Variants in REV1 observed in about 807,000 individuals in gnomAD.
The protein encoded by REV1 is REV1 DNA directed polymerase.
Under a neutral mutation model 137.4 loss-of-function variants are expected in REV1, and 42 were observed. The ratio of observed to expected loss-of-function variants is 0.31; its 90% CI spans 0.24 to 0.40. The LOEUF is 0.40. Ranked by LOEUF, REV1 falls within the 10% of genes least tolerant of loss-of-function variation. The pLI is 1.00. For missense variants in REV1, 1,282 were observed against 1,490.1 expected (o/e 0.86, Z 2.30); for synonymous variants, 524 against 519.2 (o/e 1.01, Z -0.12).
intron 1 of REV1, among the ~76,000 whole-genome samples, chr2:99,477,775 ATTC>A (rs1004255314): frequency 1.3e-5 from 2 of 152,250 alleles, no homozygotes; most frequent in Admixed American, 6.5e-5. Flanking sequence ...GTTTTCTCTT[ATTC>A]TTCTTGTTAT....
At chr2:99,479,565 CA>C (rs1266538566) in intron 1 of REV1, among the ~76,000 whole-genome samples, 3 of 151,592 alleles carry the variant, frequency 2.0e-5, no homozygotes, top group Non-Finnish European at 4.4e-5. Context: ...TTTTGGAGGC[CA>C]AGGTGGGAAG....
chr2:99,488,363 C>T lies in REV1; in HGVS notation c.-11+1454G>A, dbSNP rs556354090. On this transcript the variant is annotated intron_variant, in intron 1 of 22. Coordinates refer to ENST00000258428, the MANE Select transcript of REV1 (RefSeq NM_016316.4). ...AGAAATTAATTTTAAAAGAGCAATT[C>T]CCATCTTTACAAAAAAAATTAAATA... 6.1e-4 allele frequency among the ~76,000 whole-genome samples: 72 copies of T among 118,724 alleles called. 17 individuals are homozygous for T. Among genetic ancestry groups the T allele is most frequent in the African/African-American group, 2.1e-3 (69 of 33,234 alleles). 77.9% of individuals were successfully genotyped at this position (118,724 alleles called of 152,430 possible).
rs1292719708 is a variant in REV1 at position 99,455,286 on chromosome 2, T to C, written c.182-5782A>G. 2.0e-5 allele frequency among the ~76,000 whole-genome samples: 3 copies of C among 152,196 alleles called. 1 individual carries two copies. Among genetic ancestry groups the C allele is most frequent in the South Asian group, 4.1e-4 (2 of 4,830 alleles). ...TCACAATCTTATGAATTAGAAAAGA[T>C]AACTTATTGATGAGGCAACAGAGAA... On this transcript the variant is annotated intron_variant, in intron 3 of 22. Coordinates refer to ENST00000258428, the MANE Select transcript of REV1 (RefSeq NM_016316.4).
At chr2:99,451,627 T>G in intron 3 of REV1, 1 of 505,474 alleles carries the variant, frequency 2.0e-6, no homozygotes, top group Non-Finnish European at 3.5e-6. Flanking sequence ...TTCTCCTCTT[T>G]CTCCATAAAC....
intron 13 of REV1, among the ~76,000 whole-genome samples, chr2:99,411,493 G>A (rs532151519): frequency 1.6e-4 from 23 of 145,736 alleles, no homozygotes; most frequent in Middle Eastern, 3.5e-3. Context: ...TGCAACCTCC[G>A]CCTCCCAGGT....
chr2:99,488,955 G>C (rs1687383232), intron 1 of REV1, among the ~76,000 whole-genome samples: 2 of 152,230 alleles, frequency 1.3e-5, no homozygotes, highest in Non-Finnish European at 2.9e-5. Flanking sequence ...TACATGGCGT[G>C]AGAAGACGTG....
In REV1 at chr2:99,404,321, C is replaced by T. The variant is rs71413836; in HGVS notation, c.3045+123G>A. 124 of 716,850 alleles carry T rather than the reference C, an allele frequency of 1.7e-4. 3 individuals carry two copies. Among genetic ancestry groups the T allele is most frequent in the Non-Finnish European group, 2.6e-4 (112 of 430,156 alleles). 44.4% of individuals were successfully genotyped at this position (716,850 alleles called of 1,614,324 possible). ...CAAGCCCACTCTCCCCTCCCCTCCC[C>T]TCCCCTCCCCAGTGGATGTGGTGTC... is the stretch of plus-strand genomic sequence containing the variant. On this transcript the variant is annotated intron_variant, in intron 18 of 22. Transcript: ENST00000258428.
chr2:99,466,956 A>T (rs1446890918), intron 1 of REV1, among the ~76,000 whole-genome samples: 1 of 152,220 alleles, frequency 6.6e-6, no homozygotes, highest in East Asian at 1.9e-4. Context: ...ACATTAACAC[A>T]CAGCACTGGA....
chr2:99,426,073 C>T (rs1415452184), intron 9 of REV1, among the ~76,000 whole-genome samples: 1 of 149,784 alleles, frequency 6.7e-6, no homozygotes, highest in Non-Finnish European at 1.5e-5. Flanking sequence ...AGTCCAGGCG[C>T]GGTGGTACAC....
intron 16 of REV1, 67 bp from the exon 17 acceptor site, chr2:99,406,173 A>C: frequency 7.1e-7 from 1 of 1,416,148 alleles, no homozygotes; most frequent in South Asian, 1.5e-5. Flanking sequence ...TCCTCTGTCC[A>C]TTACAAATAA....
chr2:99,434,591 C>T (rs975774648), intron 7 of REV1, 143 bp from the exon 8 acceptor site: 3 of 463,554 alleles, frequency 6.5e-6, no homozygotes, highest in Non-Finnish European at 3.8e-6. Flanking sequence ...GAAGCTAATA[C>T]TTTAAAGATT....
At chr2:99,490,101 T>A (rs1445214386), upstream of REV1, 1 of 31,396 alleles carries the variant, frequency 3.2e-5, no homozygotes, top group Non-Finnish European at 6.0e-5. Flanking sequence ...CCGCTCGCGC[T>A]CACAGCCGCG....
intron 13 of REV1, among the ~76,000 whole-genome samples, chr2:99,412,275 A>C (rs1263117338): frequency 1.3e-5 from 2 of 151,082 alleles, no homozygotes; most frequent in African/African-American, 4.9e-5. Context: ...AAAAAAAAAA[A>C]AAAAAAACAT....
In REV1 at chr2:99,401,329, G is replaced by A. The variant is rs1675364337; in HGVS notation, c.3668C>T (p.Ser1223Leu). The A allele has an allele frequency of 2.5e-6, 4 of 1,612,644 alleles. No homozygotes were observed. Among genetic ancestry groups the A allele is most frequent in the Admixed American group, 1.7e-5 (1 of 59,948 alleles). The change falls in exon 23 of 23, where the codon TCG becomes TTG. Residue 1223 changes from serine (S) to leucine (L), a missense_variant. Physicochemically the swap from Ser to Leu is moderately radical, Grantham distance 145. Around this residue, in one of 7 missense-constraint regions of REV1, gnomAD observed 43 missense variants for 79.1 expected, o/e 0.54. Transcript: ENST00000258428. Reference protein sequence around the residue: ...MKRLMQQSVESVWNMAFDFIL... With the variant: ...MKRLMQQSVELVWNMAFDFIL... ...AAAGTCAAATGCCATATTCCAAACC[G>A]ATTCCACCGATTGCTGCATCAGCCT...
chr2:99,425,399 C>CA (rs1158203215), intron 9 of REV1, among the ~76,000 whole-genome samples: 1 of 152,160 alleles, frequency 6.6e-6, no homozygotes, highest in Non-Finnish European at 1.5e-5. Flanking sequence ...AGGAAAATGA[C>CA]AGAGTTGTAA....
Position 99,424,293 on chromosome 2 carries a change from CA to C in REV1, c.1548-14del, listed in dbSNP as rs1679058841. 9 of 1,610,996 alleles carry C rather than the reference CA, an allele frequency of 5.6e-6. No individual in the cohort carries two copies. Among genetic ancestry groups the C allele is most frequent in the Non-Finnish European group, 7.6e-6 (9 of 1,178,870 alleles). On this transcript the variant is annotated splice_polypyrimidine_tract_variant and intron_variant, in intron 9 of 22. Transcript: ENST00000258428. ...AATGCCAAGTTGCCTAGAGCGAGAA[CA>C]AAACACAATGGAGGTTATTCTAGGA...
Position 99,402,227 on chromosome 2 carries a change from A to C in REV1, c.3644+17T>G. 1 of 1,066,976 alleles carries C rather than the reference A, an allele frequency of 9.4e-7. No individual in the cohort carries two copies. Among genetic ancestry groups the C allele is most frequent in the South Asian group, 1.4e-5 (1 of 69,700 alleles). 66.1% of individuals were successfully genotyped at this position (1,066,976 alleles called of 1,614,324 possible). A position where few individuals can be genotyped will look rare whatever the true frequency, so the allele number is the denominator to read the frequency against. On this transcript the variant is annotated intron_variant, in intron 22 of 22. Transcript: ENST00000258428. ...CATGCCATTTTTTCCCATTTGATAA[A>C]AGTGATGAATTACTACCTTTTCATG...
chr2:99,484,444 T>A (rs1194525832), intron 1 of REV1, among the ~76,000 whole-genome samples: 2 of 152,216 alleles, frequency 1.3e-5, no homozygotes, highest in Admixed American at 1.3e-4. Context: ...TTACTAAATA[T>A]TTACTTGCTA....
intron 4 of REV1, among the ~76,000 whole-genome samples, chr2:99,446,122 T>C (rs1305401192): frequency 6.6e-6 from 1 of 152,174 alleles, no homozygotes; most frequent in Non-Finnish European, 1.5e-5. Context: ...GCATTTAAGA[T>C]ATATGCCAAC....
Sources: gnomAD v4.1 joint callset for allele counts (sites outside exome capture counted in the v4.1 genomes callset) on GRCh38, gnomAD v4.1.1 for gene constraint, gnomAD v4.1.1 regional missense constraint, MANE v1.5 for transcripts, NCBI Gene and HGNC (gene_info 2026-07-23, HGNC 2026-07-21) for gene names.